The following HDC variants were observed in gnomAD, a reference collection of about 807,000 sequenced individuals.
HDC encodes histidine decarboxylase.
In HDC, 27 loss-of-function variants were observed where a neutral mutation model predicts 64.4. That is an observed-to-expected ratio of 0.42 (90% CI 0.31 to 0.58). The LOEUF is 0.58. HDC is among the 20% of genes least tolerant of loss of function. The probability of loss-of-function intolerance (pLI) is 0.16; values close to 1 mark genes in which losing one functional copy is unlikely to be tolerated. For synonymous variants in HDC, 305 were observed against 314.2 expected (o/e 0.97, Z 0.31); for missense variants, 711 against 833.9 (o/e 0.85, Z 1.81).
At chr15:50,253,391 C>A in intron 7 of HDC, 1 of 628,618 alleles carries the variant, frequency 1.6e-6, no homozygotes, top group Non-Finnish European at 2.9e-6. Flanking sequence ...CAAGGTAGGC[C>A]ACCTCTAACT....
At position 50,242,224 on chromosome 15, in the gene HDC, A is replaced by C. The variant is rs2045402355; in HGVS notation, c.*36T>G. 1.3e-6 allele frequency: 2 copies of C among 1,559,230 alleles called. No homozygotes were observed. The highest frequency in any genetic ancestry group is 2.2e-5 in the South Asian group (2 of 90,058). The stretch of plus-strand genomic sequence containing the variant: ...TTGTGAGGGGTTCACAGAGTCCCTG[A>C]AGTATATCCTCAGACTCTGGCTGAA... On this transcript the variant is annotated 3_prime_UTR_variant, in exon 12 of 12. Transcript: ENST00000267845.
intron 9 of HDC, among the ~76,000 whole-genome samples, chr15:50,250,445 C>T (rs1350585692): frequency 1.3e-5 from 2 of 152,128 alleles, no homozygotes; most frequent in African/African-American, 2.4e-5. Flanking sequence ...TAAGGTTCCC[C>T]AGAGCAGGGC....
intron 1 of HDC, 101 bp from the exon 2 acceptor site, chr15:50,263,508 G>A: frequency 1.6e-6 from 2 of 1,214,758 alleles, no homozygotes; most frequent in South Asian, 2.5e-5. Flanking sequence ...TGGTAAAGAA[G>A]GAGATGGATT....
rs2045515773 is a variant in HDC at position 50,248,730 on chromosome 15, T to C, written c.1042-387A>G. Among the ~76,000 whole-genome samples the C allele has an allele frequency of 6.6e-6, 1 of 152,234 alleles. No individual in the cohort carries two copies. The highest frequency in any genetic ancestry group is 2.4e-5 in the African/African-American group (1 of 41,456). On this transcript the variant is annotated intron_variant, in intron 9 of 11. Transcript: ENST00000267845. The surrounding 1 kb of genome is among the most constrained non-coding windows in gnomAD (Gnocchi z 4.3). Reference sequence around the variant, plus strand: ...CCTTGAATAGCAGAAAATAAAGTTCTATTTTTATTCCTCCCAAAATGTAAA... The same window carrying C: ...CCTTGAATAGCAGAAAATAAAGTTCCATTTTTATTCCTCCCAAAATGTAAA...
intron 1 of HDC, among the ~76,000 whole-genome samples, chr15:50,265,228 A>G (rs955959941): frequency 2.0e-5 from 3 of 152,242 alleles, no homozygotes; most frequent in Non-Finnish European, 4.4e-5. Context: ...ATTTGCAGTG[A>G]TTACAGAATA....
rs1338493579 is a variant in HDC at position 50,265,239 on chromosome 15, T to C, written c.31+354A>G. The stretch of plus-strand genomic sequence containing the variant: ...AAGGATTTGCAGTGATTACAGAATA[T>C]TGAGAAAATTTTTTTCTATTTCAGA... On this transcript the variant is annotated intron_variant, in intron 1 of 11. Coordinates refer to ENST00000267845, the MANE Select transcript of HDC (RefSeq NM_002112.4). 2.0e-5 allele frequency among the ~76,000 whole-genome samples: 3 copies of C among 152,252 alleles called. No individual in the cohort carries two copies. In the East Asian group the frequency reaches 5.8e-4, roughly 29 times the overall value.
Position 50,253,630 on chromosome 15 carries a change from A to G in HDC, c.757T>C (p.Phe253Leu), listed in dbSNP as rs763065285. 6.2e-7 allele frequency: 1 copy of G among 1,613,862 alleles called. No homozygotes were observed. The highest frequency in any genetic ancestry group is 8.5e-7 in the Non-Finnish European group (1 of 1,180,010). The part of the protein sequence containing the change: ...ATLGTTGVCA[F>L]DCLSELGPIC... The stretch of plus-strand genomic sequence containing the variant: ...GGGCCCAGCTCTGACAGGCAGTCAA[A>G]TGCACAGACCCCAGTGGTCCCTAGT... Residue 253 changes from phenylalanine (F) to leucine (L), a missense_variant, in exon 7 of 12, where the codon TTT becomes CTT. This residue lies in a region of HDC where 483 missense variants were observed against 540.9 expected (regional missense o/e 0.89). Coordinates refer to ENST00000267845, the MANE Select transcript of HDC (RefSeq NM_002112.4).
At chr15:50,256,615 G>T (rs2045635553) in intron 4 of HDC, among the ~76,000 whole-genome samples, 1 of 152,080 alleles carries the variant, frequency 6.6e-6, no homozygotes, top group Admixed American at 6.6e-5. Flanking sequence ...TGAACTCCTG[G>T]GCTCAAGTGA....
intron 2 of HDC, among the ~76,000 whole-genome samples, chr15:50,259,103 A>C (rs970082237): frequency 6.6e-6 from 1 of 151,946 alleles, no homozygotes; most frequent in Non-Finnish European, 1.5e-5. Context: ...CTGAGCTTGC[A>C]GTGAGCCAAG....
intron 10 of HDC, among the ~76,000 whole-genome samples, chr15:50,245,907 T>TAAAC (rs1048445828): frequency 6.6e-6 from 1 of 151,836 alleles, no homozygotes; most frequent in African/African-American, 2.4e-5. Context: ...TAAATAACAA[T>TAAAC]AAATAAATAA....
rs1444533332 is a variant in HDC, at chr15:50,248,888, T to C, written c.1042-545A>G. Among the ~76,000 whole-genome samples, 6 of 152,070 alleles carry C rather than the reference T, an allele frequency of 3.9e-5. No homozygotes were observed. Among genetic ancestry groups the C allele is most frequent in the Non-Finnish European group, 7.4e-5 (5 of 68,014 alleles). ...ATCAGTCCGGGACATAAAGAACCAA[T>C]TGCACCTCCCGGGCAAGTGGTGTGA... On this transcript the variant is annotated intron_variant, in intron 9 of 11. Transcript: ENST00000267845. The surrounding 1 kb of genome is among the most constrained non-coding windows in gnomAD (Gnocchi z 4.3).
chr15:50,253,392 A>C, intron 7 of HDC: 1 of 628,796 alleles, frequency 1.6e-6, no homozygotes, highest in Non-Finnish European at 2.9e-6. Context: ...AAGGTAGGCC[A>C]CCTCTAACTC....
intron 2 of HDC, among the ~76,000 whole-genome samples, chr15:50,260,377 C>A (rs1334989708): frequency 1.3e-5 from 2 of 152,128 alleles, no homozygotes; most frequent in African/African-American, 4.8e-5. Context: ...GTACAGACCC[C>A]ATAAGACCAG....
rs1353958864 is a variant in HDC at position 50,252,709 on chromosome 15, C to T, written c.853G>A (p.Glu285Lys). Residue 285 changes from glutamate (E) to lysine (K), a missense_variant, in exon 8 of 12, where the codon GAG becomes AAG. Transcript: ENST00000267845. ...ATCCCCTTCAGAAACCCCCGGAACT[C>T]GGGGCACAGGAAGGCAGTGCCTGCA... ...AYAGTAFLCP[E>K]FRGFLKGIEY... The T allele has an allele frequency of 1.9e-6, 3 of 1,613,978 alleles. No homozygotes were observed. Among genetic ancestry groups the T allele is most frequent in the African/African-American group, 1.3e-5 (1 of 74,882 alleles).
At chr15:50,254,426 C>T in intron 5 of HDC, 104 bp downstream of exon 5, 1 of 1,552,072 alleles carries the variant, frequency 6.4e-7, no homozygotes, top group Non-Finnish European at 8.9e-7. Context: ...GTCTGAGCTG[C>T]TCAGAACCCC....
In HDC at chr15:50,241,993, G is replaced by A. The variant is rs1414418488; in HGVS notation, c.*267C>T. 5.3e-6 allele frequency: 3 copies of A among 562,210 alleles called. No individual in the cohort carries two copies. The highest frequency in any genetic ancestry group is 9.5e-6 in the Non-Finnish European group (3 of 315,126). The allele number at this position is 562,210 out of a possible 1,614,324, so 34.8% of individuals were successfully genotyped here. A position where few individuals can be genotyped will look rare whatever the true frequency, so the allele number is the denominator to read the frequency against. ...AATTTATTTCTGTGTTATATATCAT[G>A]TCACAAGCTGAACCACAGAAGCTGC... On this transcript the variant is annotated 3_prime_UTR_variant, in exon 12 of 12. Coordinates refer to ENST00000267845, the MANE Select transcript of HDC (RefSeq NM_002112.4).
At chr15:50,259,140 C>T (rs144265434) in intron 2 of HDC, among the ~76,000 whole-genome samples, 127 of 150,716 alleles carry the variant, frequency 8.4e-4, no homozygotes, top group African/African-American at 2.9e-3. Context: ...CCAGCCTGGG[C>T]GACAGAGCAA....
intron 4 of HDC, 100 bp downstream of exon 4, chr15:50,257,325 G>C (rs2045644771): frequency 6.8e-7 from 1 of 1,474,020 alleles, no homozygotes; most frequent in Non-Finnish European, 9.5e-7. Context: ...GGTAATGTGG[G>C]GGAAACTCCA....
At position 50,242,914 on chromosome 15, in the gene HDC, G is replaced by A. The variant is rs766788386; in HGVS notation, c.1335C>T (p.Ile445=). The part of the protein sequence containing the change: ...LIPATIQDKL[I]IRFTVTSQFT... ...ACTGGGATGTCACAGTGAAACGGAT[G>A]ATTAACTTGTCCTGGATAGTGGCCG... The change falls in exon 12 of 12, where the codon ATC becomes ATT. Residue 445 remains isoleucine, a synonymous_variant. Coordinates refer to ENST00000267845, the MANE Select transcript of HDC (RefSeq NM_002112.4). 2.4e-5 allele frequency: 38 copies of A among 1,614,048 alleles called. No individual in the cohort carries two copies. The highest frequency in any genetic ancestry group is 3.2e-5 in the Non-Finnish European group (38 of 1,180,030).
Sources: allele counts gnomAD v4.1 joint callset (sites outside exome capture counted in the v4.1 genomes callset), GRCh38; gene constraint gnomAD v4.1.1; regional missense constraint gnomAD v4.1.1; non-coding constraint Gnocchi (gnomAD v3.1); transcripts MANE v1.5; gene names NCBI Gene and HGNC (gene_info 2026-07-23, HGNC 2026-07-21).